The following JMJD1C variants were observed in gnomAD, a reference collection of about 807,000 sequenced individuals.
JMJD1C encodes jumonji domain-containing protein 1C.
Under a neutral mutation model 245.3 loss-of-function variants are expected in JMJD1C, and 31 were observed. The ratio of observed to expected loss-of-function variants is 0.13; its 90% CI spans 0.09 to 0.17. The LOEUF is 0.17. Ranked by LOEUF, JMJD1C falls within the 10% of genes least tolerant of loss-of-function variation. The pLI, the probability that JMJD1C is intolerant of heterozygous loss-of-function variation, is 1.00. For synonymous variants in JMJD1C, 1,057 were observed against 1,017.4 expected (o/e 1.04, Z -0.74); for missense variants, 2,691 against 3,000.2 (o/e 0.90, Z 2.41).
intron 2 of JMJD1C, among the ~76,000 whole-genome samples, chr10:63,318,044 A>G (rs1940322625): frequency 6.6e-6 from 1 of 151,978 alleles, no homozygotes; most frequent in South Asian, 2.1e-4. Flanking sequence ...GTCTGGCTCT[A>G]TCACCCAGGC....
At chr10:63,402,458 C>T (rs1948926190) in intron 1 of JMJD1C, among the ~76,000 whole-genome samples, 1 of 152,172 alleles carries the variant, frequency 6.6e-6, no homozygotes, top group Non-Finnish European at 1.5e-5. Flanking sequence ...ATGTAACACT[C>T]ATCTGAACAG....
chr10:63,347,075 T>C, intron 2 of JMJD1C, among the ~76,000 whole-genome samples: 1 of 147,560 alleles, frequency 6.8e-6, no homozygotes, highest in African/African-American at 2.5e-5. Flanking sequence ...GAATTTTTTT[T>C]TTTTTTTTTT....
intron 2 of JMJD1C, among the ~76,000 whole-genome samples, chr10:63,267,328 CA>C (rs1170937794): frequency 3.3e-5 from 5 of 151,748 alleles, no homozygotes; most frequent in African/African-American, 9.7e-5. Flanking sequence ...TTTTAACTGG[CA>C]AAACAACCAT....
intron 1 of JMJD1C, among the ~76,000 whole-genome samples, chr10:63,406,477 A>C (rs545099270): frequency 3.3e-5 from 5 of 152,316 alleles, no homozygotes; most frequent in African/African-American, 1.2e-4. Flanking sequence ...ATCAAAGTCC[A>C]GAAGTTTTTA....
At chr10:63,233,780 CA>C (rs1188343984) in intron 3 of JMJD1C, among the ~76,000 whole-genome samples, 3,657 of 134,904 alleles carry the variant, frequency 0.027, 63 homozygotes, top group South Asian at 0.071. Flanking sequence ...CACACACACA[CA>C]CACCACCACC....
At chr10:63,208,869 G>C in intron 9 of JMJD1C, 68 bp from the exon 10 acceptor site, 1 of 1,255,894 alleles carries the variant, frequency 8.0e-7, no homozygotes, top group Non-Finnish European at 1.1e-6. Flanking sequence ...CAGCTTCTAT[G>C]CAATATCATT....
intron 1 of JMJD1C, among the ~76,000 whole-genome samples, chr10:63,503,318 A>G (rs184882902): frequency 5.3e-4 from 81 of 152,284 alleles, no homozygotes; most frequent in African/African-American, 1.9e-3. Context: ...ATAGATACTA[A>G]TATGTTGCCC....
At chr10:63,205,391 T>C (rs779824391) in intron 10 of JMJD1C, among the ~76,000 whole-genome samples, 4 of 152,174 alleles carry the variant, frequency 2.6e-5, no homozygotes, top group Non-Finnish European at 5.9e-5. Flanking sequence ...TAACCGTGGG[T>C]TCCAAACCCA....
chr10:63,315,935 G>A (rs1166412374), intron 2 of JMJD1C, among the ~76,000 whole-genome samples: 1 of 151,894 alleles, frequency 6.6e-6, no homozygotes, highest in Non-Finnish European at 1.5e-5. Context: ...TTGGGAGGCT[G>A]AGATGGACAG....
intron 4 of JMJD1C, among the ~76,000 whole-genome samples, chr10:63,218,499 A>G (rs1848239629): frequency 6.6e-6 from 1 of 152,112 alleles, no homozygotes; most frequent in African/African-American, 2.4e-5. Flanking sequence ...ATAAGACTCC[A>G]TATTATTTTT....
chr10:63,515,056 G>A (rs934455968), intron 1 of JMJD1C, among the ~76,000 whole-genome samples: 1 of 152,132 alleles, frequency 6.6e-6, no homozygotes, highest in Non-Finnish European at 1.5e-5. Flanking sequence ...CAGTCCTCTG[G>A]TGAGCCCGTG....
chr10:63,382,197 G>C (rs1554912636), intron 1 of JMJD1C, among the ~76,000 whole-genome samples: 1 of 152,108 alleles, frequency 6.6e-6, no homozygotes, highest in Non-Finnish European at 1.5e-5. Context: ...GGTGATAAGA[G>C]CAAAACTCCG....
At chr10:63,292,144 A>ATTTTTTTTTTT (rs573065816) in intron 2 of JMJD1C, among the ~76,000 whole-genome samples, 12,030 of 55,442 alleles carry the variant, frequency 0.22, 4,057 homozygotes, top group Non-Finnish European at 0.3. Flanking sequence ...GTAGAGACAG[A>ATTTTTTTTTTT]TTTTTTTTTT....
At chr10:63,417,974 C>T (rs2132713570) in intron 1 of JMJD1C, among the ~76,000 whole-genome samples, 1 of 152,252 alleles carries the variant, frequency 6.6e-6, no homozygotes, top group East Asian at 1.9e-4. Flanking sequence ...AGGCTTAAAA[C>T]TTAATTCTAA....
intron 1 of JMJD1C, among the ~76,000 whole-genome samples, chr10:63,418,931 G>C (rs985524206): frequency 3.3e-5 from 5 of 151,572 alleles, no homozygotes; most frequent in Non-Finnish European, 7.4e-5. Flanking sequence ...ACAAAAATTA[G>C]CCAGGCATGG....
intron 1 of JMJD1C, among the ~76,000 whole-genome samples, chr10:63,507,437 A>G (rs1348630787): frequency 2.0e-5 from 3 of 152,014 alleles, no homozygotes; most frequent in Non-Finnish European, 4.4e-5. Context: ...GGAAGTCAGG[A>G]GATCGAGACC....
intron 2 of JMJD1C, among the ~76,000 whole-genome samples, chr10:63,300,763 G>T (rs570586300): frequency 3.0e-4 from 45 of 152,066 alleles, no homozygotes; most frequent in African/African-American, 1.1e-3. Context: ...GCTGTGGCAT[G>T]CACCTGTAGT....
intron 2 of JMJD1C, among the ~76,000 whole-genome samples, chr10:63,315,841 AAAAAAAAAAAAAACACCACG>A (rs1312160744): frequency 2.7e-5 from 4 of 150,512 alleles, no homozygotes; most frequent in Non-Finnish European, 4.4e-5. Flanking sequence ...ACCGTCTCAA[AAAAAAAAAAAAAACACCACG>A]AAAAAAAAAA....
chr10:63,493,627 C>T (rs569837299), intron 1 of JMJD1C, among the ~76,000 whole-genome samples: 3 of 152,206 alleles, frequency 2.0e-5, no homozygotes, highest in Non-Finnish European at 2.9e-5. Context: ...TAATTACAGG[C>T]GTGAGCCACC....
Sources: gnomAD v4.1 joint callset for allele counts (sites outside exome capture counted in the v4.1 genomes callset) on GRCh38, gnomAD v4.1.1 for gene constraint, MANE v1.5 for transcripts, NCBI Gene and HGNC (gene_info 2026-07-23, HGNC 2026-07-21) for gene names.